Variants in HDAC4 observed in about 807,000 individuals in gnomAD.
The protein encoded by HDAC4 is histone deacetylase A.
HDAC4 carries 16 observed loss-of-function variants against 135.1 expected under a neutral mutation model. The ratio of observed to expected loss-of-function variants is 0.12; its 90% CI spans 0.08 to 0.18. HDAC4 has a LOEUF of 0.18. Ranked by LOEUF, HDAC4 falls within the 10% of genes least tolerant of loss-of-function variation. The pLI, the probability that HDAC4 is intolerant of heterozygous loss-of-function variation, is 1.00. For synonymous variants in HDAC4, 685 were observed against 653.4 expected, an observed-to-expected ratio of 1.05 and a Z score of -0.74; for missense variants, 1,143 against 1,511.8, an observed-to-expected ratio of 0.76 and a Z score of 4.05.
In HDAC4 at chr2:239,199,545, C is replaced by T. The variant is rs7564713; in HGVS notation, c.95-9468G>A. On this transcript the variant is annotated intron_variant, in intron 3 of 26. Transcript: ENST00000543185. The stretch of plus-strand genomic sequence containing the variant: ...ATGTCTGAAAATCCTGAGTGGGTCT[C>T]GTGGCAGCCTCCAAACTCGAGCAGT... Among the ~76,000 whole-genome samples, 403 of 152,228 alleles carry T rather than the reference C, an allele frequency of 2.6e-3. 4 individuals carry two copies. The highest frequency in any genetic ancestry group is 9.3e-3 in the African/African-American group (387 of 41,548).
chr2:239,145,290 C>A (rs868196719), intron 7 of HDAC4, among the ~76,000 whole-genome samples: 1 of 152,094 alleles, frequency 6.6e-6, no homozygotes, highest in African/African-American at 2.4e-5. Flanking sequence ...GCTATCCCCA[C>A]CCCGACCTGG....
chr2:239,346,339 C>A (rs867023473), intron 2 of HDAC4, among the ~76,000 whole-genome samples: 7 of 149,034 alleles, frequency 4.7e-5, no homozygotes, highest in Middle Eastern at 7.6e-3. Context: ...CATACACACC[C>A]GTCTAAAACA....
intron 5 of HDAC4, among the ~76,000 whole-genome samples, chr2:239,170,532 A>T (rs917728539): frequency 6.6e-6 from 1 of 152,182 alleles, no homozygotes; most frequent in Non-Finnish European, 1.5e-5. Flanking sequence ...ATATCCTTTC[A>T]CTCCAGACAA....
intron 22 of HDAC4, among the ~76,000 whole-genome samples, chr2:239,079,972 G>T (rs891593758): frequency 2.0e-5 from 3 of 148,406 alleles, no homozygotes; most frequent in African/African-American, 5.3e-5. Flanking sequence ...ACATAGGCAT[G>T]GACACACACC....
At chr2:239,105,170 T>C (rs1458420738) in intron 15 of HDAC4, among the ~76,000 whole-genome samples, 1 of 152,208 alleles carries the variant, frequency 6.6e-6, no homozygotes, top group East Asian at 1.9e-4. Flanking sequence ...ATTCCTAGGA[T>C]AAGACAGAAG....
At chr2:239,277,990 C>CCCAGCCACACACCCCAGCCACACACT (rs58972231) in intron 2 of HDAC4, among the ~76,000 whole-genome samples, 56,644 of 147,192 alleles carry the variant, frequency 0.38, 11,142 homozygotes, top group East Asian at 0.53. Context: ...AGCCACACAC[C>CCCAGCCACACACCCCAGCCACACACT]CCAGCCACAC....
chr2:239,294,335 C>T (rs1056143223), intron 2 of HDAC4, among the ~76,000 whole-genome samples: 3 of 152,104 alleles, frequency 2.0e-5, no homozygotes, highest in Non-Finnish European at 4.4e-5. Flanking sequence ...TGGGCCTTGG[C>T]AGAGGCCTGA....
chr2:239,101,718 C>G (rs1048306845), intron 16 of HDAC4, among the ~76,000 whole-genome samples: 1 of 152,112 alleles, frequency 6.6e-6, no homozygotes, highest in African/African-American at 2.4e-5. Context: ...ACAAAGGGAG[C>G]CCTGGGATCC....
chr2:239,216,517 A>T (rs894024675), intron 3 of HDAC4, among the ~76,000 whole-genome samples: 1 of 152,116 alleles, frequency 6.6e-6, no homozygotes, highest in Non-Finnish European at 1.5e-5. Context: ...ACCACTAACA[A>T]CCAAAACCTT....
chr2:239,291,571 C>A (rs1229258990), intron 2 of HDAC4, among the ~76,000 whole-genome samples: 1 of 152,238 alleles, frequency 6.6e-6, no homozygotes, highest in Non-Finnish European at 1.5e-5. Context: ...CAATGCGCAG[C>A]AACCCACGGT....
chr2:239,157,512 G>A (rs942372138), intron 6 of HDAC4, among the ~76,000 whole-genome samples: 7 of 152,242 alleles, frequency 4.6e-5, no homozygotes, highest in Non-Finnish European at 8.8e-5. Flanking sequence ...CGGACATGGG[G>A]AGGAGGCGGG....
chr2:239,232,195 T>C (rs2047615521), intron 3 of HDAC4, among the ~76,000 whole-genome samples: 1 of 152,268 alleles, frequency 6.6e-6, no homozygotes, highest in Non-Finnish European at 1.5e-5. Flanking sequence ...ACATTGCTTT[T>C]ATAATCAGGA....
intron 7 of HDAC4, among the ~76,000 whole-genome samples, chr2:239,152,717 C>G (rs541838743): frequency 1.1e-4 from 16 of 152,270 alleles, no homozygotes; most frequent in South Asian, 6.2e-4. Context: ...TGGTCCTTCT[C>G]TAAGTGGAGG....
chr2:239,142,921 T>G (rs1178162849), intron 8 of HDAC4, among the ~76,000 whole-genome samples: 3 of 145,014 alleles, frequency 2.1e-5, no homozygotes, highest in African/African-American at 7.8e-5. Flanking sequence ...CTGTCACACA[T>G]GACTCCTGGG....
chr2:239,345,758 C>A (rs755928478), intron 2 of HDAC4, among the ~76,000 whole-genome samples: 1 of 130,030 alleles, frequency 7.7e-6, no homozygotes, highest in Non-Finnish European at 1.5e-5. Context: ...ACACACACAC[C>A]CCCGTCTCAC....
intron 2 of HDAC4, among the ~76,000 whole-genome samples, chr2:239,344,997 C>G (rs759850008): frequency 6.6e-6 from 1 of 152,178 alleles, no homozygotes; most frequent in Non-Finnish European, 1.5e-5. Flanking sequence ...CTCTCAGGCC[C>G]TGCCACCTTG....
In HDAC4 at chr2:239,160,823, C is replaced by T. The variant is rs1007321033; in HGVS notation, c.611+2980G>A. Reference sequence around the variant, plus strand: ...CTTGCTTTCATGTCTTGGGCAAATACGGAGAAGCATTGCTGGGTCACAGGG... The same window carrying T: ...CTTGCTTTCATGTCTTGGGCAAATATGGAGAAGCATTGCTGGGTCACAGGG... On this transcript the variant is annotated intron_variant, in intron 6 of 26. Coordinates refer to ENST00000543185, the MANE Select transcript of HDAC4 (RefSeq NM_001378414.1). Among the ~76,000 whole-genome samples the T allele has an allele frequency of 7.2e-5, 11 of 152,330 alleles. No homozygotes were observed. The East Asian group carries it at 9.7e-4, about 13-fold the overall frequency.
rs1426060661 is a variant in HDAC4, at chr2:239,049,193, TTTTA to T, written c.*3900_*3903del. ...ATATGACAAATGTTTAAGTAGTCCTTTTTATTTTTCTTACAATAAAAAGTACAAT... is the reference window on the plus strand; with the variant it reads ...ATATGACAAATGTTTAAGTAGTCCTTTTTTTCTTACAATAAAAAGTACAAT... On this transcript the variant is annotated 3_prime_UTR_variant, in exon 27 of 27. Coordinates refer to ENST00000543185, the MANE Select transcript of HDAC4 (RefSeq NM_001378414.1). The T allele has an allele frequency of 4.6e-5, 7 of 152,702 alleles. No individual in the cohort carries two copies. Among genetic ancestry groups the T allele is most frequent in the African/African-American group, 1.7e-4 (7 of 41,588 alleles). 9.5% of individuals were successfully genotyped at this position (152,702 alleles called of 1,614,324 possible).
At chr2:239,382,320 C>T (rs1487910550) in intron 1 of HDAC4, among the ~76,000 whole-genome samples, 2 of 152,222 alleles carry the variant, frequency 1.3e-5, no homozygotes, top group African/African-American at 2.4e-5. Flanking sequence ...AATCATAAAA[C>T]GTCGCTTCTG....
Sources: allele counts gnomAD v4.1 joint callset (sites outside exome capture counted in the v4.1 genomes callset), GRCh38; gene constraint gnomAD v4.1.1; transcripts MANE v1.5; gene names NCBI Gene and HGNC (gene_info 2026-07-23, HGNC 2026-07-21).